Variants in KCNG1 observed in about 807,000 individuals in gnomAD.
The protein encoded by KCNG1 is potassium voltage-gated channel modifier subfamily G member 1.
A neutral mutation model predicts 32.4 loss-of-function variants in KCNG1; 17 were observed. That is an observed-to-expected ratio of 0.52 (90% CI 0.36 to 0.79). The LOEUF is 0.79. KCNG1 is among the 30% of genes least tolerant of loss of function. The pLI is 0.00. For missense variants in KCNG1, 441 were observed against 735.2 expected, an observed-to-expected ratio of 0.60 and a Z score of 4.63; for synonymous variants, 358 against 339.9, an observed-to-expected ratio of 1.05 and a Z score of -0.59.
chr20:51,007,881 G>C (rs938022124), intron 2 of KCNG1: 2 of 151,438 alleles, frequency 1.3e-5, no homozygotes, highest in African/African-American at 4.9e-5. Flanking sequence ...TATACCAAAA[G>C]TACCAGTAAG....
At position 51,009,850 on chromosome 20, in the gene KCNG1, G is replaced by A. The variant is rs191904569; in HGVS notation, c.489C>T (p.Gly163=). Residue 163 remains glycine (G), a synonymous_variant, in exon 2 of 3, where the codon GGC becomes GGT. Transcript: ENST00000371571. ...YWGIAEDHLD[G]CCKRRYLQKI... is the part of the protein sequence containing the mutation. ...TCTGCAGGTAGCGGCGCTTGCAGCA[G>A]CCGTCCAGGTGGTCCTCCGCGATGC... 8.6e-5 allele frequency: 139 copies of A among 1,613,406 alleles called. 2 individuals are homozygous for A. In the East Asian group the frequency reaches 2.3e-3, roughly 26 times the overall value.
At chr20:51,008,794 C>A (rs4809819) in intron 2 of KCNG1, among the ~76,000 whole-genome samples, 117,491 of 151,616 alleles carry the variant, frequency 0.77, 46,305 homozygotes, top group Middle Eastern at 0.87. Context: ...GCCACGTGGA[C>A]ACCATATTTC....
At chr20:51,017,498 A>G (rs1223158143) in intron 1 of KCNG1, among the ~76,000 whole-genome samples, 1 of 152,242 alleles carries the variant, frequency 6.6e-6, no homozygotes, top group Non-Finnish European at 1.5e-5. Context: ...AGCCTGGCAC[A>G]GGCCAATGAG....
chr20:51,012,219 C>CTATGA (rs2123244952), intron 1 of KCNG1: 1 of 152,390 alleles, frequency 6.6e-6, no homozygotes, highest in East Asian at 1.9e-4. Context: ...CACGTTTGCT[C>CTATGA]AGGGGTCAGC....
chr20:51,022,487 GAC>G (rs1054165812), intron 1 of KCNG1, among the ~76,000 whole-genome samples: 2 of 152,158 alleles, frequency 1.3e-5, no homozygotes, highest in Admixed American at 1.3e-4. Flanking sequence ...ATGAGCAAGT[GAC>G]ACACACTCCC....
At chr20:51,010,488 A>G (rs1184245800) in intron 1 of KCNG1, 124 bp from the exon 2 acceptor site, 5 of 702,788 alleles carry the variant, frequency 7.1e-6, no homozygotes, top group Non-Finnish European at 1.1e-5. Context: ...CATAGGTTGC[A>G]GGCCCTAGCC....
intron 2 of KCNG1, chr20:51,006,238 T>C (rs1219150414): frequency 2.0e-5 from 3 of 152,212 alleles, no homozygotes; most frequent in African/African-American, 7.2e-5. Flanking sequence ...AAAATGAAGT[T>C]GAAGAACAGC....
Position 51,010,134 on chromosome 20 carries a change from C to T in KCNG1, c.205G>A (p.Val69Ile). ...EDRRRRIIINVGGIKYSLPWT... is the reference protein window; with the variant it reads ...EDRRRRIIINIGGIKYSLPWT... ...GGCAGCGAGTACTTGATGCCGCCTACGTTGATGATGATCCGACGGCGGCGG... is the reference window on the plus strand; with the variant it reads ...GGCAGCGAGTACTTGATGCCGCCTATGTTGATGATGATCCGACGGCGGCGG... The change falls in exon 2 of 3, where the codon GTA becomes ATA. Residue 69 changes from valine (V) to isoleucine (I), a missense_variant. By Grantham distance (29) the Val-to-Ile change is conservative. This residue lies in a region of KCNG1 where 70 missense variants were observed against 158.4 expected (regional missense o/e 0.44). Coordinates refer to ENST00000371571, the MANE Select transcript of KCNG1 (RefSeq NM_002237.4). The T allele has an allele frequency of 6.2e-7, 1 of 1,613,400 alleles. No homozygotes were observed. Among genetic ancestry groups the T allele is most frequent in the Non-Finnish European group, 8.5e-7 (1 of 1,179,686 alleles).
In KCNG1 at chr20:51,006,838, A is replaced by T. The variant is rs1987848409; in HGVS notation, c.775-2032T>A. ...TGAGCCACCGCACCCAGCCCCAATC[A>T]CTTCTAATCACTTCATGCGAACTCA... On this transcript the variant is annotated intron_variant, in intron 2 of 2. Transcript: ENST00000371571. 2.0e-5 allele frequency: 3 copies of T among 152,134 alleles called. No individual in the cohort carries two copies. The South Asian group carries it at 6.2e-4, about 32-fold the overall frequency. The allele number at this position is 152,134 out of a possible 1,614,324, so 9.4% of individuals were successfully genotyped here. A position where few individuals can be genotyped will look rare whatever the true frequency, so the allele number is the denominator to read the frequency against.
chr20:51,013,663 A>G (rs1391754016), intron 1 of KCNG1: 1 of 152,234 alleles, frequency 6.6e-6, no homozygotes, highest in Non-Finnish European at 1.5e-5. Context: ...TTGGAAAACT[A>G]GGGTACACCT....
chr20:51,022,489 C>A (rs1988517585), intron 1 of KCNG1, among the ~76,000 whole-genome samples: 3 of 152,210 alleles, frequency 2.0e-5, no homozygotes, highest in Non-Finnish European at 1.5e-5. Flanking sequence ...GAGCAAGTGA[C>A]ACACACTCCC....
At position 51,023,070 on chromosome 20, in the gene KCNG1, C is replaced by G. The variant is rs1367817192; in HGVS notation, c.-227G>C. ...TCCCGCCCTCGGAGCCACGGCCGCC[C>G]CGTCTCTGCCTCCCGGTCCCCGCCG... On this transcript the variant is annotated 5_prime_UTR_variant, in exon 1 of 3. Transcript: ENST00000371571. 3 of 152,284 alleles carry G rather than the reference C, an allele frequency of 2.0e-5. No individual in the cohort carries two copies. The highest frequency in any genetic ancestry group is 4.4e-5 in the Non-Finnish European group (3 of 68,012). The allele number at this position is 152,284 out of a possible 1,614,324, so 9.4% of individuals were successfully genotyped here.
In KCNG1 at chr20:51,003,925, C is replaced by A. The variant is rs527794560; in HGVS notation, c.*114G>T. 15 of 1,196,266 alleles carry A rather than the reference C, an allele frequency of 1.3e-5. No individual in the cohort carries two copies. The Admixed American group carries it at 1.8e-4, about 14-fold the overall frequency. 74.1% of individuals were successfully genotyped at this position (1,196,266 alleles called of 1,614,324 possible). On this transcript the variant is annotated 3_prime_UTR_variant, in exon 3 of 3. Transcript: ENST00000371571. Reference sequence around the variant, plus strand: ...TGTCCTTCCCCGGGTGCGTGGGAGTCGGTGCTGCGCCAGGACTGCACTCGG... The same window carrying A: ...TGTCCTTCCCCGGGTGCGTGGGAGTAGGTGCTGCGCCAGGACTGCACTCGG...
intron 1 of KCNG1, among the ~76,000 whole-genome samples, chr20:51,019,969 G>C (rs954605528): frequency 6.6e-6 from 1 of 152,228 alleles, no homozygotes; most frequent in Non-Finnish European, 1.5e-5. Flanking sequence ...GCCACCTGCT[G>C]TCTGTTCTCG....
chr20:51,017,776 A>G (rs900987642), intron 1 of KCNG1, among the ~76,000 whole-genome samples: 2 of 152,074 alleles, frequency 1.3e-5, no homozygotes, highest in African/African-American at 2.4e-5. Context: ...GAGGCACAGG[A>G]GCTGCTCTGG....
intron 2 of KCNG1, among the ~76,000 whole-genome samples, chr20:51,008,265 C>T (rs995911893): frequency 1.3e-5 from 2 of 152,102 alleles, no homozygotes; most frequent in African/African-American, 4.8e-5. Flanking sequence ...CATGTAGGAC[C>T]GCAGGCTGGT....
At chr20:51,009,403 A>G (rs1021422996) in intron 2 of KCNG1, 162 bp downstream of exon 2, 2 of 877,914 alleles carry the variant, frequency 2.3e-6, no homozygotes, top group Non-Finnish European at 3.4e-6. Flanking sequence ...TCACATATTA[A>G]CAGGGAGGCA....
intron 1 of KCNG1, among the ~76,000 whole-genome samples, chr20:51,012,088 C>T (rs1021116974): frequency 2.6e-5 from 4 of 152,178 alleles, no homozygotes; most frequent in Admixed American, 6.5e-5. Context: ...CTACCACGCC[C>T]GGCCTATTAT....
rs1048897712 is a variant in KCNG1 at position 51,020,202 on chromosome 20, C to CGTTTGCCTTCTTCT, written c.-27+2654_-27+2667dup. Among the ~76,000 whole-genome samples the CGTTTGCCTTCTTCT allele has an allele frequency of 5.3e-5, 8 of 152,294 alleles. No individual in the cohort carries two copies. In the East Asian group the frequency reaches 1.5e-3, roughly 29 times the overall value. ...CAAAATAACACCAAATGCACGTTTGCGTTTGCCTTCTTCTACGGGGAGGTG... is the reference window on the plus strand; with the variant it reads ...CAAAATAACACCAAATGCACGTTTGCGTTTGCCTTCTTCTGTTTGCCTTCTTCTACGGGGAGGTG... On this transcript the variant is annotated intron_variant, in intron 1 of 2. Transcript: ENST00000371571.
Sources: allele counts gnomAD v4.1 joint callset (sites outside exome capture counted in the v4.1 genomes callset), GRCh38; gene constraint gnomAD v4.1.1; regional missense constraint gnomAD v4.1.1; transcripts MANE v1.5; gene names NCBI Gene and HGNC (gene_info 2026-07-23, HGNC 2026-07-21).